Variants in ZNF385B observed in about 807,000 individuals in gnomAD.
ZNF385B encodes the protein zinc finger protein 385B.
Under a neutral mutation model 39.2 loss-of-function variants are expected in ZNF385B, and 23 were observed. The observed-to-expected ratio is 0.59, with a 90% CI of 0.42 to 0.83. The LOEUF (loss-of-function observed/expected upper bound fraction) is 0.83. Ranked by LOEUF, ZNF385B falls within the 40% of genes least tolerant of loss-of-function variation. The probability of loss-of-function intolerance (pLI) is 0.00; values close to 1 mark genes in which losing one functional copy is unlikely to be tolerated. For synonymous variants in ZNF385B, 205 were observed against 222.6 expected (o/e 0.92, Z 0.70); for missense variants, 552 against 598.9 (o/e 0.92, Z 0.82).
At chr2:179,614,206 T>C (rs1347357499) in intron 3 of ZNF385B, among the ~76,000 whole-genome samples, 1 of 152,196 alleles carries the variant, frequency 6.6e-6, no homozygotes, top group Non-Finnish European at 1.5e-5. Context: ...TTTTTTGCTT[T>C]TATGAAGGTG....
intron 3 of ZNF385B, among the ~76,000 whole-genome samples, chr2:179,679,240 T>C (rs1384111477): frequency 6.6e-6 from 1 of 152,184 alleles, no homozygotes; most frequent in East Asian, 1.9e-4. Context: ...TTTTCATGTT[T>C]AGAAACTTTT....
intron 3 of ZNF385B, among the ~76,000 whole-genome samples, chr2:179,722,714 A>G (rs1474386718): frequency 6.6e-6 from 1 of 152,134 alleles, no homozygotes; most frequent in African/African-American, 2.4e-5. Flanking sequence ...AAAGCAATAA[A>G]AATACTTGAT....
At chr2:179,468,173 C>A (rs1472337069) in intron 6 of ZNF385B, among the ~76,000 whole-genome samples, 1 of 152,204 alleles carries the variant, frequency 6.6e-6, no homozygotes, top group Non-Finnish European at 1.5e-5. Flanking sequence ...CAACTATCTC[C>A]ATGTTGAAAG....
intron 3 of ZNF385B, among the ~76,000 whole-genome samples, chr2:179,714,699 A>C (rs989745474): frequency 2.6e-5 from 4 of 152,014 alleles, no homozygotes; most frequent in Admixed American, 6.6e-5. Context: ...TAATCCCAGC[A>C]CTTTGGGAGG....
chr2:179,605,014 T>C (rs1688686756), intron 3 of ZNF385B, among the ~76,000 whole-genome samples: 1 of 152,138 alleles, frequency 6.6e-6, no homozygotes, highest in Non-Finnish European at 1.5e-5. Context: ...TGGCTCCTTA[T>C]TTATTGAAAG....
At chr2:179,737,835 T>C (rs1165541064) in intron 3 of ZNF385B, among the ~76,000 whole-genome samples, 1 of 152,246 alleles carries the variant, frequency 6.6e-6, no homozygotes, top group Non-Finnish European at 1.5e-5. Flanking sequence ...AATTTGTCCA[T>C]GATCACACAG....
At chr2:179,636,685 T>C (rs1400309099) in intron 3 of ZNF385B, among the ~76,000 whole-genome samples, 1 of 152,184 alleles carries the variant, frequency 6.6e-6, no homozygotes, top group African/African-American at 2.4e-5. Context: ...GAGAGAATCA[T>C]CACCTCACTG....
intron 3 of ZNF385B, among the ~76,000 whole-genome samples, chr2:179,759,116 T>C (rs767147199): frequency 4.3e-4 from 65 of 152,134 alleles, no homozygotes; most frequent in Non-Finnish European, 6.8e-4. Flanking sequence ...AACTTTTTTT[T>C]AGTCTTAAAA....
At chr2:179,664,366 T>C (rs1189689173) in intron 3 of ZNF385B, among the ~76,000 whole-genome samples, 1 of 152,156 alleles carries the variant, frequency 6.6e-6, no homozygotes, top group Non-Finnish European at 1.5e-5. Flanking sequence ...TTATTTCTGG[T>C]GAAATTATGC....
chr2:179,773,812 C>T (rs955184036), intron 1 of ZNF385B, among the ~76,000 whole-genome samples: 6 of 152,180 alleles, frequency 3.9e-5, no homozygotes, highest in African/African-American at 1.4e-4. Flanking sequence ...GAAAGGTATA[C>T]ATTTTCCTCC....
intron 5 of ZNF385B, among the ~76,000 whole-genome samples, chr2:179,484,695 G>A (rs1238041763): frequency 6.6e-6 from 1 of 152,066 alleles, no homozygotes; most frequent in Non-Finnish European, 1.5e-5. Flanking sequence ...AAGTTCAATG[G>A]AGAGCTATCC....
intron 1 of ZNF385B, among the ~76,000 whole-genome samples, chr2:179,860,241 C>CA (rs1684929899): frequency 6.6e-6 from 1 of 152,102 alleles, no homozygotes; most frequent in Admixed American, 6.5e-5. Flanking sequence ...GAGAGCATTC[C>CA]AAAACTGCGT....
At chr2:179,757,441 C>T (rs1269133895) in intron 3 of ZNF385B, among the ~76,000 whole-genome samples, 1 of 152,222 alleles carries the variant, frequency 6.6e-6, no homozygotes, top group Non-Finnish European at 1.5e-5. Context: ...TCTGCCCGTT[C>T]TCAGGTCTCA....
intron 5 of ZNF385B, among the ~76,000 whole-genome samples, 159 bp from the exon 6 acceptor site, chr2:179,483,593 T>C (rs1280254896): frequency 6.6e-6 from 1 of 152,154 alleles, no homozygotes; most frequent in African/African-American, 2.4e-5. Flanking sequence ...GTAGACCAGT[T>C]CCTAAGAGGG....
At position 179,584,954 on chromosome 2, in the gene ZNF385B, G is replaced by C. The variant is rs924294406; in HGVS notation, c.299-39985C>G. Among the ~76,000 whole-genome samples, 12 of 152,172 alleles carry C rather than the reference G, an allele frequency of 7.9e-5. No individual in the cohort carries two copies. The East Asian group carries it at 1.3e-3, about 17-fold the overall frequency. Reference sequence around the variant, plus strand: ...CAGGGCAGTCCTGATGTCACACACAGAGAGCAAATGAGGAGAGTTTCATAA... The same window carrying C: ...CAGGGCAGTCCTGATGTCACACACACAGAGCAAATGAGGAGAGTTTCATAA... On this transcript the variant is annotated intron_variant, in intron 3 of 9. Transcript: ENST00000410066.
intron 6 of ZNF385B, among the ~76,000 whole-genome samples, chr2:179,454,527 C>T (rs1402639639): frequency 6.6e-6 from 1 of 151,968 alleles, no homozygotes; most frequent in Non-Finnish European, 1.5e-5. Flanking sequence ...TTAAAGTTAT[C>T]TGTAAAATGG....
intron 3 of ZNF385B, among the ~76,000 whole-genome samples, chr2:179,603,344 A>G (rs747440959): frequency 2.0e-4 from 30 of 152,188 alleles, no homozygotes; most frequent in Non-Finnish European, 2.6e-4. Context: ...GCACACACTC[A>G]ATATATGTTA....
chr2:179,523,633 T>C (rs1053811071), intron 4 of ZNF385B, among the ~76,000 whole-genome samples: 1 of 152,204 alleles, frequency 6.6e-6, no homozygotes, highest in African/African-American at 2.4e-5. Context: ...CTTGTTCAAC[T>C]ATCCCAGTAC....
At chr2:179,583,176 G>A (rs745357389) in intron 3 of ZNF385B, among the ~76,000 whole-genome samples, 1 of 152,078 alleles carries the variant, frequency 6.6e-6, no homozygotes, top group Non-Finnish European at 1.5e-5. Flanking sequence ...AGACATGACA[G>A]GCATTTTGAG....
Sources: gnomAD v4.1 joint callset for allele counts (sites outside exome capture counted in the v4.1 genomes callset) on GRCh38, gnomAD v4.1.1 for gene constraint, MANE v1.5 for transcripts, NCBI Gene and HGNC (gene_info 2026-07-23, HGNC 2026-07-21) for gene names.